Variants in CDH13 observed in about 807,000 individuals in gnomAD.
CDH13 encodes cadherin 13, also known as cadherin-13.
CDH13 carries 24 observed loss-of-function variants against 63.8 expected under a neutral mutation model. The observed-to-expected ratio is 0.38, with a 90% CI of 0.27 to 0.53. The LOEUF is 0.53. Ranked by LOEUF, CDH13 falls within the 20% of genes least tolerant of loss-of-function variation. The probability of loss-of-function intolerance (pLI) is 0.85; values close to 1 mark genes in which losing one functional copy is unlikely to be tolerated. For synonymous variants in CDH13, 503 were observed against 355.3 expected (o/e 1.42, Z -4.67); for missense variants, 1,049 against 903.1 (o/e 1.16, Z -2.07).
intron 4 of CDH13, among the ~76,000 whole-genome samples, chr16:83,159,450 G>C (rs2037352548): frequency 6.6e-6 from 1 of 152,098 alleles, no homozygotes; most frequent in Non-Finnish European, 1.5e-5. Flanking sequence ...TCAGTCTTGT[G>C]GCGTTTATTC....
At chr16:82,847,770 G>T (rs1024234077) in intron 1 of CDH13, among the ~76,000 whole-genome samples, 1 of 152,128 alleles carries the variant, frequency 6.6e-6, no homozygotes, top group South Asian at 2.1e-4. Context: ...GCATGTGAAG[G>T]CCATTCACTC....
chr16:83,782,753 A>G lies in CDH13; in HGVS notation c.1916-501A>G, dbSNP rs910871504. On this transcript the variant is annotated intron_variant, in intron 12 of 13. Transcript: ENST00000567109. The stretch of plus-strand genomic sequence containing the variant: ...CCTGTCTCGAAAAAAAAAAAAAAAA[A>G]ACTAAAGACAAAAAATGTAGGCTAT... Among the ~76,000 whole-genome samples, 135 of 147,994 alleles carry G rather than the reference A, an allele frequency of 9.1e-4. 1 individual carries two copies. Among genetic ancestry groups the G allele is most frequent in the African/African-American group, 3.0e-3 (122 of 40,930 alleles).
At chr16:83,218,563 T>C (rs2039606285) in intron 5 of CDH13, among the ~76,000 whole-genome samples, 1 of 152,188 alleles carries the variant, frequency 6.6e-6, no homozygotes, top group Non-Finnish European at 1.5e-5. Flanking sequence ...CTGGCAGCTA[T>C]TGGGGTCCAG....
At chr16:82,710,016 C>T (rs1031441983) in intron 1 of CDH13, among the ~76,000 whole-genome samples, 1 of 151,542 alleles carries the variant, frequency 6.6e-6, no homozygotes, top group South Asian at 2.1e-4. Context: ...TTAGGATGGG[C>T]TGACAAAGAC....
intron 7 of CDH13, among the ~76,000 whole-genome samples, chr16:83,493,561 G>A (rs952603548): frequency 1.4e-4 from 21 of 152,188 alleles, no homozygotes; most frequent in African/African-American, 5.1e-4. Flanking sequence ...AGAAGGAAGG[G>A]CATCGTGGGG....
At chr16:83,599,081 G>C (rs980384044) in intron 7 of CDH13, among the ~76,000 whole-genome samples, 2 of 152,172 alleles carry the variant, frequency 1.3e-5, no homozygotes, top group Non-Finnish European at 2.9e-5. Flanking sequence ...CCTGTACTGA[G>C]GGTGAGGAAG....
intron 6 of CDH13, among the ~76,000 whole-genome samples, chr16:83,475,109 G>T (rs1013138446): frequency 9.9e-5 from 15 of 152,176 alleles, no homozygotes; most frequent in African/African-American, 3.4e-4. Context: ...AAAACTCAGG[G>T]TCCCTTGTTC....
intron 6 of CDH13, among the ~76,000 whole-genome samples, chr16:83,462,915 G>A (rs1207019980): frequency 6.6e-6 from 1 of 152,108 alleles, no homozygotes; most frequent in Non-Finnish European, 1.5e-5. Flanking sequence ...CTGAGCCATT[G>A]GGAATATGCT....
At chr16:83,700,939 G>A (rs1906125844) in intron 10 of CDH13, among the ~76,000 whole-genome samples, 1 of 152,228 alleles carries the variant, frequency 6.6e-6, no homozygotes, top group African/African-American at 2.4e-5. Context: ...TGAATGTAAT[G>A]TTTAAGAGGA....
chr16:83,163,565 C>G (rs1008377525), intron 4 of CDH13, among the ~76,000 whole-genome samples: 1 of 152,148 alleles, frequency 6.6e-6, no homozygotes, highest in African/African-American at 2.4e-5. Context: ...CCTGGGCACA[C>G]AGAAATTTCC....
intron 3 of CDH13, among the ~76,000 whole-genome samples, chr16:83,088,445 C>G (rs1474541731): frequency 6.6e-6 from 1 of 152,110 alleles, no homozygotes; most frequent in Non-Finnish European, 1.5e-5. Context: ...GTGACAGTTG[C>G]CCACCGAACC....
chr16:83,123,765 C>A (rs951755817), intron 3 of CDH13, among the ~76,000 whole-genome samples: 1 of 152,094 alleles, frequency 6.6e-6, no homozygotes, highest in Non-Finnish European at 1.5e-5. Context: ...GTTTTCAGTT[C>A]TTTGAGAAAT....
intron 1 of CDH13, among the ~76,000 whole-genome samples, chr16:82,797,503 A>T (rs2036640593): frequency 6.6e-6 from 1 of 152,142 alleles, no homozygotes; most frequent in Non-Finnish European, 1.5e-5. Flanking sequence ...CACTTTTGGC[A>T]CTTATCTGAT....
At chr16:83,198,629 C>T (rs1414468257) in intron 4 of CDH13, among the ~76,000 whole-genome samples, 1 of 152,184 alleles carries the variant, frequency 6.6e-6, no homozygotes, top group East Asian at 1.9e-4. Flanking sequence ...TCCTCTCCAT[C>T]CCACTCTGTG....
chr16:82,846,588 G>C (rs1381501), intron 1 of CDH13, among the ~76,000 whole-genome samples: 1 of 152,172 alleles, frequency 6.6e-6, no homozygotes, highest in South Asian at 2.1e-4. Flanking sequence ...TTGAGATTTC[G>C]ACCCAGTTAG....
intron 7 of CDH13, among the ~76,000 whole-genome samples, chr16:83,495,018 A>G (rs868652121): frequency 7.9e-5 from 12 of 152,314 alleles, no homozygotes; most frequent in South Asian, 6.2e-4. Context: ...AGTAAATCGT[A>G]TAGACTTTCT....
At chr16:83,132,764 A>T (rs944521595) in intron 4 of CDH13, among the ~76,000 whole-genome samples, 2 of 152,104 alleles carry the variant, frequency 1.3e-5, no homozygotes, top group South Asian at 2.1e-4. Flanking sequence ...TTATTCAATA[A>T]CTGAAACTTA....
intron 2 of CDH13, among the ~76,000 whole-genome samples, chr16:82,929,704 C>T (rs903979003): frequency 1.0e-4 from 13 of 129,728 alleles, no homozygotes; most frequent in African/African-American, 3.7e-4. Flanking sequence ...GTTGATGAAC[C>T]TGAAAAGAAG....
intron 2 of CDH13, among the ~76,000 whole-genome samples, chr16:82,911,789 C>G (rs1463905939): frequency 2.0e-5 from 3 of 152,078 alleles, no homozygotes; most frequent in Non-Finnish European, 4.4e-5. Context: ...ATGCCCCAGG[C>G]TCCTGTCCTG....
Sources: allele counts gnomAD v4.1 joint callset (sites outside exome capture counted in the v4.1 genomes callset), GRCh38; gene constraint gnomAD v4.1.1; transcripts MANE v1.5; gene names NCBI Gene and HGNC (gene_info 2026-07-23, HGNC 2026-07-21).